Variants in COL6A6 observed in about 807,000 individuals in gnomAD.
COL6A6 encodes the protein collagen alpha-6(VI) chain.
Under a neutral mutation model 208.6 loss-of-function variants are expected in COL6A6, and 183 were observed. The ratio of observed to expected loss-of-function variants is 0.88; its 90% confidence interval spans 0.78 to 0.99. COL6A6 has a LOEUF of 0.99. Ranked by LOEUF, COL6A6 falls within the 50% of genes least tolerant of loss-of-function variation. The probability of loss-of-function intolerance (pLI) is 0.00; values close to 1 mark genes in which losing one functional copy is unlikely to be tolerated. For synonymous variants in COL6A6, 973 were observed against 1,011.8 expected, an observed-to-expected ratio of 0.96 and a Z score of 0.73; for missense variants, 2,816 against 2,815.2, an observed-to-expected ratio of 1.00 and a Z score of -0.01.
rs753470299 is a variant in COL6A6, at chr3:130,621,823, G to T, written c.4818G>T (p.Gly1606=). 3.7e-6 allele frequency: 6 copies of T among 1,613,278 alleles called. No homozygotes were observed. Among genetic ancestry groups the T allele is most frequent in the Non-Finnish European group, 5.1e-6 (6 of 1,179,492 alleles). ...GCAAACCCCTTGTTTTGTTTCAGGG[G>T]CCTCCAGGACCCGGAGGAGAGGCAG... is the stretch of plus-strand genomic sequence containing the variant. ...KGGVGSKGPQ[G]PPGPGGEAGN... The change falls in exon 24 of 37, where the codon GGG becomes GGT. Residue 1606 remains glycine (G), a splice_region_variant and synonymous_variant. Coordinates refer to ENST00000358511, the MANE Select transcript of COL6A6 (RefSeq NM_001102608.3).
At position 130,574,188 on chromosome 3, in the gene COL6A6, C is replaced by T. The variant is rs778247523; in HGVS notation, c.3210C>T (p.Ile1070=). 24 of 1,613,960 alleles carry T rather than the reference C, an allele frequency of 1.5e-5. No individual in the cohort carries two copies. The Admixed American group carries it at 3.7e-4, about 25-fold the overall frequency. ...EKEISFQIEN[I]KQIFGNTHIG... ...AGATATCATTTCAGATTGAAAACAT[C>T]AAGCAGATCTTTGGAAACACACACA... is the stretch of plus-strand genomic sequence containing the variant. The change falls in exon 8 of 37, where the codon ATC becomes ATT. Residue 1070 remains isoleucine (I), a synonymous_variant. Transcript: ENST00000358511.
intron 20 of COL6A6, among the ~76,000 whole-genome samples, chr3:130,604,936 G>A (rs948719748): frequency 6.6e-6 from 1 of 152,190 alleles, no homozygotes; most frequent in Admixed American, 6.5e-5. Flanking sequence ...TAAAGCTGGG[G>A]TCTGACCATG....
Position 130,566,838 on chromosome 3 carries a change from G to T in COL6A6, c.1419G>T (p.Val473=). 1 of 1,614,010 alleles carries T rather than the reference G, an allele frequency of 6.2e-7. No homozygotes were observed. The highest frequency in any genetic ancestry group is 1.3e-5 in the African/African-American group (1 of 75,048). ...VGMFNIAPHK[V]RVGAVQYADS... ...TGTTCAACATTGCTCCCCATAAGGT[G>T]CGGGTTGGGGCCGTTCAGTATGCTG... Residue 473 remains valine (V), a synonymous_variant, in exon 5 of 37, where the codon GTG becomes GTT. Transcript: ENST00000358511.
intron 8 of COL6A6, among the ~76,000 whole-genome samples, chr3:130,580,588 A>C (rs6771674): frequency 0.03 from 4,507 of 152,336 alleles, 241 homozygotes; most frequent in African/African-American, 0.1. Context: ...AGCAAACCAA[A>C]TTAAAAACAA....
chr3:130,569,184 ATATG>A (rs1428427254), intron 6 of COL6A6, among the ~76,000 whole-genome samples: 1 of 152,184 alleles, frequency 6.6e-6, no homozygotes, highest in East Asian at 1.9e-4. Flanking sequence ...CATCTACTAT[ATATG>A]GTGCTTATTT....
At chr3:130,571,557 T>C (rs2063167988) in intron 7 of COL6A6, among the ~76,000 whole-genome samples, 164 bp downstream of exon 7, 1 of 152,230 alleles carries the variant, frequency 6.6e-6, no homozygotes, top group Admixed American at 6.5e-5. Flanking sequence ...TGGAAAGACC[T>C]TGGGCATATT....
intron 23 of COL6A6, among the ~76,000 whole-genome samples, chr3:130,615,368 A>G (rs1372745832): frequency 6.6e-6 from 1 of 152,078 alleles, no homozygotes; most frequent in Non-Finnish European, 1.5e-5. Context: ...TGTGTGGTCA[A>G]TTTTATGGTA....
chr3:130,649,004 C>T (rs1022885033), intron 32 of COL6A6, 65 bp from the exon 33 acceptor site: 9 of 1,293,306 alleles, frequency 7.0e-6, no homozygotes, highest in South Asian at 1.9e-5. Context: ...AATTACTTTG[C>T]CTTCTATGTA....
At chr3:130,672,772 A>G (rs1032632184) in intron 36 of COL6A6, among the ~76,000 whole-genome samples, 1 of 151,190 alleles carries the variant, frequency 6.6e-6, no homozygotes, top group African/African-American at 2.4e-5. Flanking sequence ...GCACTTTGGG[A>G]GGCTGAGTCG....
At chr3:130,593,969 T>A (rs1444452268) in intron 17 of COL6A6, among the ~76,000 whole-genome samples, 1 of 152,208 alleles carries the variant, frequency 6.6e-6, no homozygotes, top group Non-Finnish European at 1.5e-5. Flanking sequence ...GTGCATATTC[T>A]TTCTGAATCT....
chr3:130,596,286 G>A (rs1047414194), intron 18 of COL6A6, among the ~76,000 whole-genome samples: 35 of 152,068 alleles, frequency 2.3e-4, no homozygotes, highest in African/African-American at 8.5e-4. Context: ...ATACAAAGAC[G>A]TTTCAGTTAT....
At position 130,541,805 on chromosome 3, in the gene COL6A6, T is replaced by A. The variant is rs566412605; in HGVS notation, c.-31-18529T>A. Among the ~76,000 whole-genome samples the A allele has an allele frequency of 2.6e-5, 4 of 152,350 alleles. No individual in the cohort carries two copies. The East Asian group carries it at 7.7e-4, about 29-fold the overall frequency. ...CACCAGTGAACATACATGGGTTGGA[T>A]ATTTTCTGTTTTGGAAGTTTATTAT... On this transcript the variant is annotated intron_variant, in intron 1 of 36. Coordinates refer to ENST00000358511, the MANE Select transcript of COL6A6 (RefSeq NM_001102608.3).
chr3:130,614,328 T>C (rs1050408881), intron 23 of COL6A6, among the ~76,000 whole-genome samples: 1 of 152,242 alleles, frequency 6.6e-6, no homozygotes, highest in African/African-American at 2.4e-5. Flanking sequence ...TTTGTATATG[T>C]TGAACCAACC....
intron 33 of COL6A6, among the ~76,000 whole-genome samples, chr3:130,655,573 T>C (rs1233388422): frequency 6.6e-6 from 1 of 152,230 alleles, no homozygotes; most frequent in Non-Finnish European, 1.5e-5. Flanking sequence ...GAGAGATCAA[T>C]GGGCACAGTG....
At chr3:130,587,565 T>C (rs944013574) in intron 11 of COL6A6, among the ~76,000 whole-genome samples, 2 of 152,264 alleles carry the variant, frequency 1.3e-5, no homozygotes, top group Admixed American at 1.3e-4. Context: ...TTCAAAAACA[T>C]ACGAGAATTC....
chr3:130,622,020 A>G lies in COL6A6; in HGVS notation c.4878+137A>G, dbSNP rs1277650903. The G allele has an allele frequency of 5.8e-6, 4 of 687,520 alleles. No homozygotes were observed. In the East Asian group the frequency reaches 1.1e-4, roughly 19 times the overall value. The allele number at this position is 687,520 out of a possible 1,614,324, so 42.6% of individuals were successfully genotyped here. On this transcript the variant is annotated intron_variant, in intron 24 of 36. Transcript: ENST00000358511. ...CCTTAAACCCTGGCTTGATTCTTAG[A>G]GAGCCAACAACCTCTAAGGACATGG... is the stretch of plus-strand genomic sequence containing the variant.
At position 130,675,209 on chromosome 3, in the gene COL6A6, C is replaced by A; in HGVS notation, c.6604C>A (p.Pro2202Thr). The change falls in exon 37 of 37, where the codon CCT (proline) becomes ACT (threonine). Residue 2202 changes from proline (P) to threonine (T), a missense_variant. Physicochemically the swap from Pro to Thr is conservative, Grantham distance 38 (BLOSUM62 -1). Coordinates refer to ENST00000358511, the MANE Select transcript of COL6A6 (RefSeq NM_001102608.3). ...TTCTCTTTTGTTGTATAGCTTTGTT[C>A]CTGGACCACTTAAAGCTACCCTCAA... ...QPPRPFRSFV[P>T]GPLKATLKED... 1.3e-6 allele frequency: 2 copies of A among 1,567,682 alleles called. No homozygotes were observed. Among genetic ancestry groups the A allele is most frequent in the Non-Finnish European group, 1.7e-6 (2 of 1,156,456 alleles).
At chr3:130,532,665 T>G (rs953826611) in intron 1 of COL6A6, among the ~76,000 whole-genome samples, 4 of 152,254 alleles carry the variant, frequency 2.6e-5, no homozygotes, top group Non-Finnish European at 4.4e-5. Context: ...TGGATCTTAC[T>G]TTATGCACCA....
intron 8 of COL6A6, among the ~76,000 whole-genome samples, chr3:130,576,504 T>G (rs573820296): frequency 1.3e-4 from 20 of 152,308 alleles, no homozygotes; most frequent in African/African-American, 4.6e-4. Flanking sequence ...ATTAATTTCT[T>G]GTTTCATGTG....
Sources: allele counts gnomAD v4.1 joint callset (sites outside exome capture counted in the v4.1 genomes callset), GRCh38; gene constraint gnomAD v4.1.1; transcripts MANE v1.5; gene names NCBI Gene and HGNC (gene_info 2026-07-23, HGNC 2026-07-21).